Variants in ASXL3 observed in about 807,000 individuals in gnomAD.
ASXL3 encodes putative Polycomb group protein ASXL3.
A neutral mutation model predicts 170.6 loss-of-function variants in ASXL3; 34 were observed. That is an observed-to-expected ratio of 0.20 (90% CI 0.15 to 0.27). The LOEUF (loss-of-function observed/expected upper bound fraction) is 0.27. Ranked by LOEUF, ASXL3 falls within the 10% of genes least tolerant of loss-of-function variation. The probability of loss-of-function intolerance (pLI) is 1.00; values close to 1 mark genes in which losing one functional copy is unlikely to be tolerated. For synonymous variants in ASXL3, 1,002 were observed against 989.1 expected, an observed-to-expected ratio of 1.01 and a Z score of -0.24; for missense variants, 2,592 against 2,695.3, an observed-to-expected ratio of 0.96 and a Z score of 0.85.
rs1218377254 is a variant in ASXL3, at chr18:33,745,812, C to T, written c.5964C>T (p.Asn1988=). The change falls in exon 12 of 12, where the codon AAC becomes AAT. Residue 1988 remains asparagine (N), a synonymous_variant. Coordinates refer to ENST00000269197, the MANE Select transcript of ASXL3 (RefSeq NM_030632.3). The stretch of plus-strand genomic sequence containing the variant: ...CACCTCACCAGCTAAGGTTAGCCAA[C>T]ATGTTATCCCCCAATATGCCCATGA... ...SSAPHQLRLA[N]MLSPNMPMKE... 5 of 1,613,984 alleles carry T rather than the reference C, an allele frequency of 3.1e-6. No homozygotes were observed. Among genetic ancestry groups the T allele is most frequent in the Non-Finnish European group, 1.7e-6 (2 of 1,179,890 alleles).
chr18:33,591,864 A>T (rs1258121600), intron 1 of ASXL3, among the ~76,000 whole-genome samples: 1 of 151,456 alleles, frequency 6.6e-6, no homozygotes, highest in African/African-American at 2.4e-5. Context: ...GATGGTCTCG[A>T]TCTCCTGACC....
chr18:33,655,455 T>G (rs2066068153), intron 4 of ASXL3, among the ~76,000 whole-genome samples: 1 of 152,080 alleles, frequency 6.6e-6, no homozygotes, highest in Non-Finnish European at 1.5e-5. Flanking sequence ...TTTCCATTAT[T>G]TTATTGCTAG....
At chr18:33,724,192 A>G (rs1051341544) in intron 8 of ASXL3, among the ~76,000 whole-genome samples, 2 of 152,038 alleles carry the variant, frequency 1.3e-5, no homozygotes, top group South Asian at 4.1e-4. Flanking sequence ...ATGACTAGAT[A>G]GAGTCTTGAT....
chr18:33,608,156 C>CT (rs1293906132), intron 2 of ASXL3, among the ~76,000 whole-genome samples: 1 of 151,908 alleles, frequency 6.6e-6, no homozygotes, highest in African/African-American at 2.4e-5. Context: ...AATATTTATC[C>CT]TTTTAAAATG....
chr18:33,679,438 T>C (rs1044561542), intron 7 of ASXL3, among the ~76,000 whole-genome samples: 2 of 152,156 alleles, frequency 1.3e-5, no homozygotes, highest in African/African-American at 4.8e-5. Flanking sequence ...TATTTATAAG[T>C]AAGATTGGCT....
At chr18:33,660,342 T>C (rs532219890) in intron 4 of ASXL3, among the ~76,000 whole-genome samples, 267 of 152,278 alleles carry the variant, frequency 1.8e-3, no homozygotes, top group Middle Eastern at 3.4e-3. Flanking sequence ...AAAAACTTGA[T>C]TATTTTCTTC....
At position 33,578,680 on chromosome 18, in the gene ASXL3, C is replaced by G; in HGVS notation, c.49C>G (p.Arg17Gly). The change falls in exon 1 of 12, where the codon CGC becomes GGC. Residue 17 changes from arginine to glycine, a missense_variant. Arg to Gly is a moderately radical substitution (Grantham distance 125). This residue lies in a region of ASXL3 where 251 missense variants were observed against 281.9 expected (regional missense o/e 0.89). Transcript: ENST00000269197. ...GGACCGCACCTGGGCCGAGGCTGCC[C>G]GCCTGGTACGTACCGCCCCCCACAC... ...KKDRTWAEAARLALEKHPNSP... is the reference protein window; with the variant it reads ...KKDRTWAEAAGLALEKHPNSP... 2 of 1,332,182 alleles carry G rather than the reference C, an allele frequency of 1.5e-6. No homozygotes were observed. Among genetic ancestry groups the G allele is most frequent in the Admixed American group, 2.3e-5 (1 of 44,416 alleles). The allele number at this position is 1,332,182 out of a possible 1,614,324, so 82.5% of individuals were successfully genotyped here.
At chr18:33,720,839 GGATT>G (rs1174943827) in intron 8 of ASXL3, among the ~76,000 whole-genome samples, 1 of 152,060 alleles carries the variant, frequency 6.6e-6, no homozygotes, top group Non-Finnish European at 1.5e-5. Context: ...ATTTGAAAAT[GGATT>G]GATTCTTAGA....
chr18:33,673,263 A>C (rs2066373867), intron 7 of ASXL3, among the ~76,000 whole-genome samples: 1 of 151,972 alleles, frequency 6.6e-6, no homozygotes, highest in Non-Finnish European at 1.5e-5. Flanking sequence ...ATGAGTGTAC[A>C]AAAATTTAAG....
rs2064964444 is a variant in ASXL3 at position 33,578,500 on chromosome 18, A to ACCGCCG, written c.-127_-126insGCCGCC. 1 of 247,364 alleles carries ACCGCCG rather than the reference A, an allele frequency of 4.0e-6. No individual in the cohort carries two copies. The highest frequency in any genetic ancestry group is 5.9e-6 in the Non-Finnish European group (1 of 168,290). The allele number at this position is 247,364 out of a possible 1,614,324, so 15.3% of individuals were successfully genotyped here. ...CGCCGCCGCCGCCGCCGCCGCCGCC[A>ACCGCCG]CCGCCCGCGCGCCTCCCCCCGCGGA... On this transcript the variant is annotated 5_prime_UTR_variant, in exon 1 of 12. Coordinates refer to ENST00000269197, the MANE Select transcript of ASXL3 (RefSeq NM_030632.3).
chr18:33,639,282 G>C (rs1247051474), intron 2 of ASXL3, among the ~76,000 whole-genome samples: 1 of 152,076 alleles, frequency 6.6e-6, no homozygotes, highest in Non-Finnish European at 1.5e-5. Context: ...AGGGACCTGT[G>C]ACCTAGAGAA....
At chr18:33,736,445 C>A (rs374947113) in intron 10 of ASXL3, among the ~76,000 whole-genome samples, 1 of 152,046 alleles carries the variant, frequency 6.6e-6, no homozygotes, top group Non-Finnish European at 1.5e-5. Flanking sequence ...ATGGCAGATA[C>A]ATTTTGAACA....
intron 2 of ASXL3, among the ~76,000 whole-genome samples, chr18:33,615,202 A>T (rs2065404078): frequency 6.6e-6 from 1 of 152,150 alleles, no homozygotes. Context: ...GATATTTTGG[A>T]TAACTTGCTG....
chr18:33,701,373 T>C (rs2066871264), intron 8 of ASXL3, among the ~76,000 whole-genome samples: 1 of 152,046 alleles, frequency 6.6e-6, no homozygotes, highest in South Asian at 2.1e-4. Flanking sequence ...CTATAAATCA[T>C]TTTAGGGAGT....
chr18:33,671,623 G>C, intron 6 of ASXL3, 124 bp from the exon 7 acceptor site: 1 of 787,062 alleles, frequency 1.3e-6, no homozygotes, highest in Non-Finnish European at 1.9e-6. Flanking sequence ...TCAGATTGTG[G>C]CCAAAGGTAG....
chr18:33,604,340 A>T (rs914374798), intron 1 of ASXL3, among the ~76,000 whole-genome samples: 11 of 152,066 alleles, frequency 7.2e-5, no homozygotes, highest in African/African-American at 2.7e-4. Context: ...AATATAAAAT[A>T]ATAGAAAGCT....
chr18:33,749,012 A>C lies in ASXL3; in HGVS notation c.*2417A>C, dbSNP rs1222393554. ...GATTTTTCACATAACAGGCTTGGAG[A>C]ATCAGTTGTTGATAGTGCATGGATT... On this transcript the variant is annotated 3_prime_UTR_variant, in exon 12 of 12. Transcript: ENST00000269197. The C allele has an allele frequency of 1.3e-5, 2 of 151,154 alleles. No individual in the cohort carries two copies. The highest frequency in any genetic ancestry group is 2.9e-5 in the Non-Finnish European group (2 of 67,940). The allele number at this position is 151,154 out of a possible 1,614,324, so 9.4% of individuals were successfully genotyped here. A position where few individuals can be genotyped will look rare whatever the true frequency, so the allele number is the denominator to read the frequency against.
At chr18:33,662,051 C>T (rs1335060825) in intron 5 of ASXL3, among the ~76,000 whole-genome samples, 2 of 152,000 alleles carry the variant, frequency 1.3e-5, no homozygotes, top group Non-Finnish European at 2.9e-5. Context: ...AAATGCATTG[C>T]ATATTTAAAA....
chr18:33,690,254 C>T (rs564128011), intron 8 of ASXL3: 2 of 152,252 alleles, frequency 1.3e-5, no homozygotes, highest in African/African-American at 4.8e-5. Context: ...CAGGAATGAA[C>T]CCTTTCTTCA....
Sources: allele counts gnomAD v4.1 joint callset (sites outside exome capture counted in the v4.1 genomes callset), GRCh38; gene constraint gnomAD v4.1.1; regional missense constraint gnomAD v4.1.1; transcripts MANE v1.5; gene names NCBI Gene and HGNC (gene_info 2026-07-23, HGNC 2026-07-21).